RELN: variants seen among roughly 807,000 people sequenced by gnomAD.
RELN encodes reelin.
RELN carries 108 observed loss-of-function variants against 427.6 expected under a neutral mutation model. The observed-to-expected ratio is 0.25, with a 90% CI of 0.22 to 0.30. The LOEUF is 0.30. Ranked by LOEUF, RELN falls within the 10% of genes least tolerant of loss-of-function variation. RELN has a pLI of 1.00. For synonymous variants in RELN, 1,524 were observed against 1,513.4 expected, an observed-to-expected ratio of 1.01 and a Z score of -0.16; for missense variants, 3,715 against 4,302.8, an observed-to-expected ratio of 0.86 and a Z score of 3.82.
intron 10 of RELN, among the ~76,000 whole-genome samples, chr7:103,688,788 G>A (rs1024546304): frequency 6.6e-6 from 1 of 152,004 alleles, no homozygotes. Flanking sequence ...AAATGCATAA[G>A]GTACAAGAGC....
chr7:103,739,966 G>A (rs1379136736), intron 6 of RELN, among the ~76,000 whole-genome samples: 1 of 152,144 alleles, frequency 6.6e-6, no homozygotes, highest in Non-Finnish European at 1.5e-5. Context: ...ACAGTGGTGA[G>A]GACAGGGACA....
At chr7:103,747,943 A>C (rs187715625) in intron 6 of RELN, among the ~76,000 whole-genome samples, 16 of 152,074 alleles carry the variant, frequency 1.1e-4, no homozygotes, top group African/African-American at 3.9e-4. Flanking sequence ...TTTAAACAAC[A>C]ACAGAATTTG....
intron 8 of RELN, among the ~76,000 whole-genome samples, chr7:103,704,125 T>C (rs1834149844): frequency 6.6e-6 from 1 of 152,216 alleles, no homozygotes; most frequent in Non-Finnish European, 1.5e-5. Context: ...GTGGTCTTGG[T>C]TATCAATTCT....
chr7:103,910,876 G>A (rs1184758870), intron 2 of RELN, among the ~76,000 whole-genome samples: 18 of 133,544 alleles, frequency 1.3e-4, no homozygotes, highest in African/African-American at 5.8e-4. Context: ...AGATTTAAAC[G>A]TTAGACCTAA....
rs192084570 is a variant in RELN, at chr7:103,805,309, G to A, written c.473+28228C>T. On this transcript the variant is annotated intron_variant, in intron 3 of 64. Coordinates refer to ENST00000428762, the MANE Select transcript of RELN (RefSeq NM_005045.4). The stretch of plus-strand genomic sequence containing the variant: ...CAGTAAAAGACAAAATACATGTAGA[G>A]AATTAAAATCTAATTTCCCAAAAGT... 1.2e-3 allele frequency among the ~76,000 whole-genome samples: 179 copies of A among 152,258 alleles called. 3 individuals carry two copies. The highest frequency in any genetic ancestry group is 4.1e-3 in the African/African-American group (171 of 41,556).
intron 2 of RELN, among the ~76,000 whole-genome samples, chr7:103,910,504 T>G (rs1011198905): frequency 1.3e-5 from 2 of 151,752 alleles, no homozygotes; most frequent in African/African-American, 2.4e-5. Context: ...AAAAACTACT[T>G]TAAGGTTCAT....
chr7:103,491,102 A>AG, intron 58 of RELN, among the ~76,000 whole-genome samples: 1 of 152,380 alleles, frequency 6.6e-6, no homozygotes, highest in South Asian at 2.1e-4. Context: ...CATTGTTACT[A>AG]GAAATATACC....
chr7:103,804,020 T>A (rs1051093194), intron 3 of RELN, among the ~76,000 whole-genome samples: 1 of 151,968 alleles, frequency 6.6e-6, no homozygotes, highest in Non-Finnish European at 1.5e-5. Context: ...GGAAAGAAAA[T>A]CTCCATCATG....
intron 12 of RELN, among the ~76,000 whole-genome samples, chr7:103,659,811 C>T (rs1380341329): frequency 1.3e-5 from 2 of 152,220 alleles, no homozygotes; most frequent in East Asian, 1.9e-4. Flanking sequence ...CATACATTAA[C>T]TCATTTGACC....
chr7:103,960,681 G>A (rs959488400), intron 1 of RELN, among the ~76,000 whole-genome samples: 1 of 152,184 alleles, frequency 6.6e-6, no homozygotes, highest in Non-Finnish European at 1.5e-5. Flanking sequence ...TTATATTAAA[G>A]ATACTTACAT....
Position 103,603,431 on chromosome 7 carries a change from A to C in RELN, c.3206T>G (p.Ile1069Ser). The change falls in exon 24 of 65, where the codon ATT (isoleucine) becomes AGT (serine). Residue 1069 changes from isoleucine to serine, a missense_variant. Transcript: ENST00000428762. The surrounding 1 kb of genome is among the most constrained non-coding windows in gnomAD (Gnocchi z 4.3). ...CHPEAALPST[I>S]MSDFENQNGW... ...ATTCTGGTTCTCAAAATCTGACATAATTGTGGACGGAAGGGCAGCTTCTGG... is the reference window on the plus strand; with the variant it reads ...ATTCTGGTTCTCAAAATCTGACATACTTGTGGACGGAAGGGCAGCTTCTGG... 1.2e-6 allele frequency: 2 copies of C among 1,613,864 alleles called. No homozygotes were observed. The highest frequency in any genetic ancestry group is 1.7e-6 in the Non-Finnish European group (2 of 1,179,850).
intron 1 of RELN, among the ~76,000 whole-genome samples, chr7:103,925,225 T>C (rs1795706394): frequency 6.6e-6 from 1 of 152,086 alleles, no homozygotes; most frequent in South Asian, 2.1e-4. Flanking sequence ...TAAATAGTAA[T>C]AGTAATGATA....
At chr7:103,579,178 G>A (rs1182225696) in intron 28 of RELN, among the ~76,000 whole-genome samples, 3 of 152,304 alleles carry the variant, frequency 2.0e-5, no homozygotes, top group East Asian at 1.9e-4. Flanking sequence ...ATGCAACTCC[G>A]ACAACCATTA....
At chr7:103,921,157 T>A (rs1795609527) in intron 1 of RELN, among the ~76,000 whole-genome samples, 1 of 152,172 alleles carries the variant, frequency 6.6e-6, no homozygotes, top group Non-Finnish European at 1.5e-5. Context: ...AGTTCTCCCT[T>A]GACAAAAATG....
intron 1 of RELN, among the ~76,000 whole-genome samples, chr7:103,973,902 G>A (rs1747545839): frequency 6.6e-6 from 1 of 152,178 alleles, no homozygotes; most frequent in Non-Finnish European, 1.5e-5. Context: ...CAGCACTTTG[G>A]GACGCCAAGG....
rs141590126 is a variant in RELN at position 103,637,640 on chromosome 7, T to A, written c.2070-1172A>T. On this transcript the variant is annotated intron_variant, in intron 17 of 64. Transcript: ENST00000428762. The stretch of plus-strand genomic sequence containing the variant: ...TTGAAGGTTGTCTTGGTATCTTAAG[T>A]AGCATCAATAAGGGGATGAAAGGAA... Among the ~76,000 whole-genome samples, 458 of 152,312 alleles carry A rather than the reference T, an allele frequency of 3.0e-3. 2 individuals carry two copies. Among genetic ancestry groups the A allele is most frequent in the African/African-American group, 0.011 (446 of 41,576 alleles).
chr7:103,743,569 T>C (rs1005150661), intron 6 of RELN, among the ~76,000 whole-genome samples: 2 of 152,040 alleles, frequency 1.3e-5, no homozygotes, highest in African/African-American at 2.4e-5. Flanking sequence ...TGGAGGAAGA[T>C]CTACCAAGCA....
rs749744617 is a variant in RELN, at chr7:103,654,242, C to T, written c.1442-37G>A. ...AAAAATTTTAAGTTGCTAGTACCAA[C>T]TAGCATCCATAAACATATCAAATAT... On this transcript the variant is annotated intron_variant, in intron 12 of 64. Coordinates refer to ENST00000428762, the MANE Select transcript of RELN (RefSeq NM_005045.4). 7.7e-6 allele frequency: 8 copies of T among 1,033,960 alleles called. No individual in the cohort carries two copies. The South Asian group carries it at 1.0e-4, about 13-fold the overall frequency. The allele number at this position is 1,033,960 out of a possible 1,614,324, so 64.0% of individuals were successfully genotyped here. A position where few individuals can be genotyped will look rare whatever the true frequency, so the allele number is the denominator to read the frequency against.
At chr7:103,864,707 A>T (rs369122761) in intron 2 of RELN, among the ~76,000 whole-genome samples, 1 of 152,162 alleles carries the variant, frequency 6.6e-6, no homozygotes. Context: ...AAGGTAGAAA[A>T]TAAGGATTGG....
Sources: allele counts gnomAD v4.1 joint callset (sites outside exome capture counted in the v4.1 genomes callset), GRCh38; gene constraint gnomAD v4.1.1; non-coding constraint Gnocchi (gnomAD v3.1); transcripts MANE v1.5; gene names NCBI Gene and HGNC (gene_info 2026-07-23, HGNC 2026-07-21).